The following ZBTB45 variants were observed in gnomAD, a reference collection of about 807,000 sequenced individuals.
ZBTB45 encodes zinc finger and BTB domain-containing protein 45.
In ZBTB45, 22 loss-of-function variants were observed where a neutral mutation model predicts 28.4. The observed-to-expected ratio is 0.77, with a 90% CI of 0.55 to 1.10. The LOEUF is 1.10. ZBTB45 is among the 50% of genes least tolerant of loss of function. ZBTB45 has a pLI of 0.00. For missense variants in ZBTB45, 656 were observed against 750.2 expected (o/e 0.87, Z 1.47); for synonymous variants, 361 against 332.3 (o/e 1.09, Z -0.94).
intron 1 of ZBTB45, among the ~76,000 whole-genome samples, chr19:58,530,209 G>GCACA (rs111340524): frequency 0.12 from 18,258 of 148,438 alleles, 1,854 homozygotes; most frequent in African/African-American, 0.28. Context: ...GAGAGCGCAT[G>GCACA]CACACACACA....
rs769714837 is a variant in ZBTB45 at position 58,516,708 on chromosome 19, C to T, written c.966G>A (p.Val322=). 1.3e-6 allele frequency: 2 copies of T among 1,595,132 alleles called. No homozygotes were observed. The highest frequency in any genetic ancestry group is 8.6e-7 in the Non-Finnish European group (1 of 1,169,562). Residue 322 remains valine, a synonymous_variant, in exon 2 of 3, where the codon GTG becomes GTA. Transcript: ENST00000594051. The surrounding 1 kb of genome is among the most constrained non-coding windows in gnomAD (Gnocchi z 6.2). The stretch of plus-strand genomic sequence containing the variant: ...GTGCAACGGGCGGCCCTGGGGTCTT[C>T]ACACCAGGCGGGCGGGATCCAGACA... ...CILSGSRPPG[V]KTPGPPVALF... is the part of the protein sequence containing the mutation.
chr19:58,530,973 G>A (rs930259448), intron 1 of ZBTB45, among the ~76,000 whole-genome samples: 1 of 152,130 alleles, frequency 6.6e-6, no homozygotes, highest in African/African-American at 2.4e-5. Context: ...GTGAGCCACC[G>A]CTCCTGGCCT....
At chr19:58,529,264 C>T (rs2053624039) in intron 1 of ZBTB45, among the ~76,000 whole-genome samples, 1 of 152,054 alleles carries the variant, frequency 6.6e-6, no homozygotes, top group Non-Finnish European at 1.5e-5. Flanking sequence ...ACATGGCAAA[C>T]CCTGTATCAA....
In ZBTB45 at chr19:58,513,969, C is replaced by A; in HGVS notation, c.*85G>T. 2 of 1,339,862 alleles carry A rather than the reference C, an allele frequency of 1.5e-6. No homozygotes were observed. Among genetic ancestry groups the A allele is most frequent in the East Asian group, 6.0e-5 (2 of 33,212 alleles). The allele number at this position is 1,339,862 out of a possible 1,614,324, so 83.0% of individuals were successfully genotyped here. ...CTCAGGAGGGAGCGTGGTCTAGTGG[C>A]GGGAACCACGGGTCCCGCAGCGGGC... On this transcript the variant is annotated 3_prime_UTR_variant, in exon 3 of 3. Transcript: ENST00000594051.
At chr19:58,530,168 C>T (rs2053628380) in intron 1 of ZBTB45, among the ~76,000 whole-genome samples, 1 of 151,866 alleles carries the variant, frequency 6.6e-6, no homozygotes, top group South Asian at 2.1e-4. Context: ...GGCACCACTA[C>T]ACTCCAGTCT....
rs559048217 is a variant in ZBTB45 at position 58,531,879 on chromosome 19, TACA to T, written c.-1+6819_-1+6821del. 9.7e-4 allele frequency among the ~76,000 whole-genome samples: 147 copies of T among 152,308 alleles called. 1 individual carries two copies. The highest frequency in any genetic ancestry group is 1.8e-3 in the Non-Finnish European group (122 of 68,028). ...TCTTTGGGCACCTCTTACTTTGTAA[TACA>T]ACAAGGTGTTTCAGGCTCAGCTAGG... On this transcript the variant is annotated intron_variant, in intron 1 of 1. Transcript: ENST00000600130.
rs1282036844 is a variant in ZBTB45 at position 58,516,861 on chromosome 19, A to G, written c.813T>C (p.Asp271=). The change falls in exon 2 of 3, where the codon GAT becomes GAC. Residue 271 remains aspartate (D), a synonymous_variant. Transcript: ENST00000594051. This position sits in a 1 kb window ranked among gnomAD's most constrained non-coding sequence, Gnocchi z 6.2. ...GLADYSGAGR[D]FLRGAGSAED... ...CAGCTGACCCAGCTCCCCGAAGAAAATCTCTCCCGGCACCACTGTAGTCAG... is the reference window on the plus strand; with the variant it reads ...CAGCTGACCCAGCTCCCCGAAGAAAGTCTCTCCCGGCACCACTGTAGTCAG... The G allele has an allele frequency of 1.2e-6, 2 of 1,613,216 alleles. No homozygotes were observed. The highest frequency in any genetic ancestry group is 1.7e-6 in the Non-Finnish European group (2 of 1,179,988).
upstream of ZBTB45, among the ~76,000 whole-genome samples, chr19:58,521,338 G>A (rs1294223670): frequency 6.8e-6 from 1 of 147,192 alleles, no homozygotes; most frequent in African/African-American, 2.5e-5. Context: ...CTGCAGTCGG[G>A]CCTGGGCGAA....
intron 1 of ZBTB45, among the ~76,000 whole-genome samples, chr19:58,531,947 C>T (rs1180863680): frequency 6.6e-6 from 1 of 152,148 alleles, no homozygotes; most frequent in Non-Finnish European, 1.5e-5. Context: ...GTCCTTGAAT[C>T]AGCCATTTTC....
At position 58,517,220 on chromosome 19, in the gene ZBTB45, G is replaced by T. The variant is rs755532603; in HGVS notation, c.454C>A (p.Arg152Ser). Residue 152 changes from arginine to serine, a missense_variant, in exon 2 of 3, where the codon CGC becomes AGC. This residue lies in a region of ZBTB45 where 448 missense variants were observed against 444.3 expected (regional missense o/e 1.01). Transcript: ENST00000594051. ...CGTGCAGCCAGCAGGTGGCGCAGGC[G>T]GTGACGCAGCTGCGCAGGTGCGAGT... ...PPLAPAQLRH[R>S]LRHLLAARPP... The T allele has an allele frequency of 1.2e-6, 2 of 1,600,600 alleles. No individual in the cohort carries two copies. Among genetic ancestry groups the T allele is most frequent in the Admixed American group, 1.7e-5 (1 of 59,552 alleles).
upstream of ZBTB45, among the ~76,000 whole-genome samples, chr19:58,523,528 G>A (rs1260515425): frequency 2.6e-5 from 4 of 151,962 alleles, no homozygotes; most frequent in Non-Finnish European, 5.9e-5. Context: ...GCTGGGCATG[G>A]TGGCGGGCAC....
upstream of ZBTB45, among the ~76,000 whole-genome samples, chr19:58,523,693 T>C (rs1355710781): frequency 6.9e-6 from 1 of 144,154 alleles, no homozygotes. Flanking sequence ...TGTTTTGAGA[T>C]GGAGTCTCAC....
upstream of ZBTB45, among the ~76,000 whole-genome samples, chr19:58,524,568 G>A (rs1331424712): frequency 6.6e-6 from 1 of 150,924 alleles, no homozygotes; most frequent in African/African-American, 2.4e-5. Flanking sequence ...GGAGGAGGGC[G>A]ATGTGGCCTG....
Position 58,516,285 on chromosome 19 carries a change from A to T in ZBTB45, c.1279+110T>A. 7.2e-7 allele frequency: 1 copy of T among 1,389,078 alleles called. No homozygotes were observed. Among genetic ancestry groups the T allele is most frequent in the Non-Finnish European group, 9.8e-7 (1 of 1,020,182 alleles). The allele number at this position is 1,389,078 out of a possible 1,614,324, so 86.0% of individuals were successfully genotyped here. On this transcript the variant is annotated intron_variant, in intron 2 of 2. Coordinates refer to ENST00000594051, the MANE Select transcript of ZBTB45 (RefSeq NM_001316979.2). The surrounding 1 kb of genome is among the most constrained non-coding windows in gnomAD (Gnocchi z 6.2). ...AGGCTCAATTTCTAGGCCCCCTGCT[A>T]ACCAAAAGTAACAGAACAGTGCCAG...
chr19:58,520,580 A>G (rs1304718820), upstream of ZBTB45, among the ~76,000 whole-genome samples: 2 of 152,164 alleles, frequency 1.3e-5, no homozygotes, highest in South Asian at 2.1e-4. Context: ...ATGATTCTGG[A>G]TTATTTTGGT....
At position 58,515,175 on chromosome 19, in the gene ZBTB45, G is replaced by A. The variant is rs2053475565; in HGVS notation, c.1280-865C>T. On this transcript the variant is annotated intron_variant, in intron 2 of 2. Transcript: ENST00000594051. The surrounding 1 kb of genome is among the most constrained non-coding windows in gnomAD (Gnocchi z 4.7). ...TACTAAAAATACAAAAAATAGCCGG[G>A]TGTGGTGGTGCACGCCTGTAATCCC... Among the ~76,000 whole-genome samples the A allele has an allele frequency of 6.6e-6, 1 of 152,006 alleles. No homozygotes were observed. The highest frequency in any genetic ancestry group is 2.4e-5 in the African/African-American group (1 of 41,366).
rs35390254 is a variant in ZBTB45, at chr19:58,515,325, TAAA to T, written c.1280-1018_1280-1016del. Among the ~76,000 whole-genome samples the T allele has an allele frequency of 2.1e-5, 3 of 144,252 alleles. No individual in the cohort carries two copies. The highest frequency in any genetic ancestry group is 4.5e-5 in the Non-Finnish European group (3 of 66,096). The allele number at this position is 144,252 out of a possible 152,430, so 94.6% of individuals were successfully genotyped here. A position where few individuals can be genotyped will look rare whatever the true frequency, so the allele number is the denominator to read the frequency against. ...AGGGAGACTCGGTCTCAAAAAAAAT[TAAA>T]AAAAAAAAAACCCTATCTCAGTGGC... On this transcript the variant is annotated intron_variant, in intron 2 of 2. Coordinates refer to ENST00000594051, the MANE Select transcript of ZBTB45 (RefSeq NM_001316979.2). This position sits in a 1 kb window ranked among gnomAD's most constrained non-coding sequence, Gnocchi z 4.7.
Position 58,517,577 on chromosome 19 carries a change from A to G in ZBTB45, c.97T>C (p.Cys33Arg), listed in dbSNP as rs1467794739. 6.2e-7 allele frequency: 1 copy of G among 1,613,746 alleles called. No individual in the cohort carries two copies. Among genetic ancestry groups the G allele is most frequent in the African/African-American group, 1.3e-5 (1 of 74,890 alleles). The change falls in exon 2 of 3, where the codon TGT (cysteine) becomes CGT (arginine). Residue 33 changes from cysteine to arginine, a missense_variant. This residue lies in a region of ZBTB45 where 105 missense variants were observed against 152.4 expected (regional missense o/e 0.69). Transcript: ENST00000594051. ...LNGQRLGGHF[C>R]DVTVRIREAS... is the part of the protein sequence containing the mutation. ...TCACGAATGCGCACAGTCACGTCAC[A>G]GAAGTGTCCCCCAAGCCTCTGCCCA...
At chr19:58,532,783 G>T (rs1419861292) in intron 1 of ZBTB45, among the ~76,000 whole-genome samples, 3 of 152,138 alleles carry the variant, frequency 2.0e-5, no homozygotes, top group Non-Finnish European at 4.4e-5. Flanking sequence ...CCTGACTCAG[G>T]TGATCCGCCC....
Sources: gnomAD v4.1 joint callset for allele counts (sites outside exome capture counted in the v4.1 genomes callset) on GRCh38, gnomAD v4.1.1 for gene constraint, gnomAD v4.1.1 regional missense constraint, Gnocchi (gnomAD v3.1) non-coding constraint, MANE v1.5 for transcripts, NCBI Gene and HGNC (gene_info 2026-07-23, HGNC 2026-07-21) for gene names.